The following ADGRV1 variants were observed in gnomAD, a reference collection of about 807,000 sequenced individuals.
The protein encoded by ADGRV1 is adhesion G protein-coupled receptor V1, also known as G-protein coupled receptor 98.
Under a neutral mutation model 596.2 loss-of-function variants are expected in ADGRV1, and 359 were observed. That is an observed-to-expected ratio of 0.60 (90% CI 0.55 to 0.66). The LOEUF (loss-of-function observed/expected upper bound fraction) is 0.66. ADGRV1 is among the 30% of genes least tolerant of loss of function. The pLI, the probability that ADGRV1 is intolerant of heterozygous loss-of-function variation, is 0.00. For missense variants in ADGRV1, 7,274 were observed against 7,575.6 expected, an observed-to-expected ratio of 0.96 and a Z score of 1.48; for synonymous variants, 2,681 against 2,679.2, an observed-to-expected ratio of 1.00 and a Z score of -0.02.
chr5:90,715,261 T>C (rs1749933897), intron 42 of ADGRV1, among the ~76,000 whole-genome samples: 1 of 152,198 alleles, frequency 6.6e-6, no homozygotes, highest in Admixed American at 6.5e-5. Context: ...TAATGAGCAG[T>C]ACTGCTGTGG....
chr5:91,108,787 A>G (rs576837362), intron 87 of ADGRV1, among the ~76,000 whole-genome samples: 2 of 152,078 alleles, frequency 1.3e-5, no homozygotes, highest in African/African-American at 4.8e-5. Context: ...TGTAGAGACA[A>G]GGTTTCACTA....
rs533812930 is a variant in ADGRV1 at position 90,756,846 on chromosome 5, A to C, written c.11758-133A>C. On this transcript the variant is annotated intron_variant, in intron 56 of 89. Coordinates refer to ENST00000405460, the MANE Select transcript of ADGRV1 (RefSeq NM_032119.4). ...AGAGTTCAGAAGACCTTTTATGCAT[A>C]CTTATATCTGACTATTAATTTCTAC... The C allele has an allele frequency of 1.5e-4, 122 of 788,494 alleles. No homozygotes were observed. In the African/African-American group the frequency reaches 1.9e-3, roughly 12 times the overall value. 48.8% of individuals were successfully genotyped at this position (788,494 alleles called of 1,614,324 possible).
chr5:91,150,244 T>A (rs769206616), intron 88 of ADGRV1, 23 bp downstream of exon 88: 12 of 1,439,980 alleles, frequency 8.3e-6, no homozygotes, highest in Non-Finnish European at 9.3e-6. Flanking sequence ...GCCCTTTCAT[T>A]CTCTGTCTCT....
chr5:90,759,375 CCT>C lies in ADGRV1; in HGVS notation c.11941-29_11941-28del, dbSNP rs768376870. On this transcript the variant is annotated intron_variant, in intron 57 of 89. Transcript: ENST00000405460. Reference sequence around the variant, plus strand: ...TCCTATCTTCCTCCTTCTTTTCCTCCCTCTCTTTCTCCCTTCCTTCCTTTCTT... The same window carrying C: ...TCCTATCTTCCTCCTTCTTTTCCTCCCTCTTTCTCCCTTCCTTCCTTTCTT... The C allele has an allele frequency of 5.8e-6, 8 of 1,382,218 alleles. No individual in the cohort carries two copies. The Admixed American group carries it at 6.0e-5, about 10-fold the overall frequency. The allele number at this position is 1,382,218 out of a possible 1,614,324, so 85.6% of individuals were successfully genotyped here.
At chr5:90,823,311 A>G in intron 75 of ADGRV1, 114 bp from the exon 76 acceptor site, 1 of 1,064,040 alleles carries the variant, frequency 9.4e-7, no homozygotes, top group Non-Finnish European at 1.4e-6. Context: ...CTTTGGATGA[A>G]GAGGTACCAT....
intron 21 of ADGRV1, among the ~76,000 whole-genome samples, chr5:90,672,156 C>G (rs1192366800): frequency 6.6e-6 from 1 of 152,138 alleles, no homozygotes; most frequent in Non-Finnish European, 1.5e-5. Flanking sequence ...GTGCTGAGCC[C>G]ATTATAAAAT....
At chr5:90,959,235 C>T (rs537953359) in intron 83 of ADGRV1, among the ~76,000 whole-genome samples, 26 of 151,204 alleles carry the variant, frequency 1.7e-4, no homozygotes, top group Admixed American at 1.4e-3. Flanking sequence ...ATAAAAATAT[C>T]AATTACAATA....
At chr5:91,112,300 G>T (rs1792441288) in intron 87 of ADGRV1, among the ~76,000 whole-genome samples, 1 of 152,088 alleles carries the variant, frequency 6.6e-6, no homozygotes, top group Admixed American at 6.5e-5. Flanking sequence ...CATTTCTTCT[G>T]CTCTAATTCG....
At chr5:90,771,510 T>C (rs1581070962) in intron 59 of ADGRV1, among the ~76,000 whole-genome samples, 1 of 152,212 alleles carries the variant, frequency 6.6e-6, no homozygotes, top group East Asian at 1.9e-4. Flanking sequence ...ATACAACAAC[T>C]GTAATTTAGA....
chr5:90,580,207 T>C (rs1472496958), intron 1 of ADGRV1, among the ~76,000 whole-genome samples: 1 of 152,230 alleles, frequency 6.6e-6, no homozygotes. Flanking sequence ...TTCACAGCAT[T>C]GATGGCCTTT....
At chr5:91,032,039 ATT>A (rs1393730906) in intron 85 of ADGRV1, among the ~76,000 whole-genome samples, 1 of 152,254 alleles carries the variant, frequency 6.6e-6, no homozygotes, top group Non-Finnish European at 1.5e-5. Context: ...GCGGGCTGCA[ATT>A]TTAAAGAAGG....
intron 9 of ADGRV1, among the ~76,000 whole-genome samples, chr5:90,633,619 T>C (rs1226443359): frequency 2.6e-5 from 4 of 151,872 alleles, no homozygotes; most frequent in Non-Finnish European, 4.4e-5. Context: ...TAAATAAATA[T>C]ATATGTGTAT....
intron 43 of ADGRV1, among the ~76,000 whole-genome samples, chr5:90,718,663 T>C (rs1750479024): frequency 1.3e-5 from 2 of 152,010 alleles, no homozygotes; most frequent in African/African-American, 4.8e-5. Flanking sequence ...CCTTAATTGG[T>C]TTGTGCAAGA....
intron 71 of ADGRV1, among the ~76,000 whole-genome samples, chr5:90,804,063 T>C (rs929996505): frequency 6.6e-6 from 1 of 152,156 alleles, no homozygotes; most frequent in African/African-American, 2.4e-5. Context: ...CCTCTAGTCA[T>C]GTAGCAAGAA....
chr5:91,158,900 G>A, intron 89 of ADGRV1, among the ~76,000 whole-genome samples: 1 of 150,238 alleles, frequency 6.7e-6, no homozygotes, highest in East Asian at 1.9e-4. Flanking sequence ...TGGATGGATG[G>A]ATAGATGCAT....
chr5:91,129,166 A>G (rs967826930), intron 87 of ADGRV1, among the ~76,000 whole-genome samples: 1 of 152,238 alleles, frequency 6.6e-6, no homozygotes, highest in Non-Finnish European at 1.5e-5. Context: ...GTAAACAAAT[A>G]TGGTTAACAT....
rs1354377155 is a variant in ADGRV1 at position 90,805,395 on chromosome 5, G to A, written c.14773G>A (p.Gly4925Arg). The A allele has an allele frequency of 6.2e-7, 1 of 1,608,718 alleles. No individual in the cohort carries two copies. The highest frequency in any genetic ancestry group is 1.3e-5 in the African/African-American group (1 of 74,984). The change falls in exon 72 of 90, where the codon GGA becomes AGA. Residue 4925 changes from glycine (G) to arginine (R), a missense_variant. Transcript: ENST00000405460. ...YGALSVAWTTGYAPGLEIPEF... is the reference protein window; with the variant it reads ...YGALSVAWTTRYAPGLEIPEF... ...AGCTCTCTCGGTTGCCTGGACCACT[G>A]GATATGCTCCTGGGTTAGAAATTCC...
chr5:90,886,700 A>G (rs1770319871), intron 83 of ADGRV1, among the ~76,000 whole-genome samples: 1 of 152,118 alleles, frequency 6.6e-6, no homozygotes, highest in South Asian at 2.1e-4. Context: ...CAAATTTAAC[A>G]TGTCCAGATG....
chr5:90,838,946 G>C (rs752889107), intron 77 of ADGRV1, among the ~76,000 whole-genome samples: 4 of 152,094 alleles, frequency 2.6e-5, no homozygotes, highest in Non-Finnish European at 4.4e-5. Flanking sequence ...TTCTACTCAT[G>C]TGTATTTCTA....
Sources: gnomAD v4.1 joint callset for allele counts (sites outside exome capture counted in the v4.1 genomes callset) on GRCh38, gnomAD v4.1.1 for gene constraint, MANE v1.5 for transcripts, NCBI Gene and HGNC (gene_info 2026-07-23, HGNC 2026-07-21) for gene names.